HBEGF: variants seen among roughly 807,000 people sequenced by gnomAD.
The protein encoded by HBEGF is heparin binding EGF like growth factor.
Under a neutral mutation model 19.5 loss-of-function variants are expected in HBEGF, and 8 were observed. That is an observed-to-expected ratio of 0.41 (90% CI 0.24 to 0.74). The LOEUF (loss-of-function observed/expected upper bound fraction) is 0.74, where lower values mean the gene tolerates loss of function less well. Ranked by LOEUF, HBEGF falls within the 30% of genes least tolerant of loss-of-function variation. The pLI, the probability that HBEGF is intolerant of heterozygous loss-of-function variation, is 0.32. For missense variants in HBEGF, 207 were observed against 256.9 expected, an observed-to-expected ratio of 0.81 and a Z score of 1.33; for synonymous variants, 97 against 108.9, an observed-to-expected ratio of 0.89 and a Z score of 0.68.
At chr5:140,339,751 A>T (rs984910890) in intron 3 of HBEGF, among the ~76,000 whole-genome samples, 3 of 152,142 alleles carry the variant, frequency 2.0e-5, no homozygotes, top group African/African-American at 7.2e-5. Flanking sequence ...TTTCCTGTTC[A>T]TGGTGGCTGC....
At chr5:140,343,691 C>T (rs1043947240) in intron 2 of HBEGF, among the ~76,000 whole-genome samples, 1 of 152,174 alleles carries the variant, frequency 6.6e-6, no homozygotes, top group Non-Finnish European at 1.5e-5. Context: ...CTGGGATTGA[C>T]CAGGGACTAT....
intron 3 of HBEGF, among the ~76,000 whole-genome samples, chr5:140,336,500 C>T (rs1335153856): frequency 2.0e-5 from 3 of 152,228 alleles, no homozygotes; most frequent in South Asian, 2.1e-4. Context: ...CCTTCCCCAT[C>T]GTGCTTCCAG....
At chr5:140,338,770 C>T (rs538008027) in intron 3 of HBEGF, among the ~76,000 whole-genome samples, 2 of 152,248 alleles carry the variant, frequency 1.3e-5, no homozygotes, top group Admixed American at 6.5e-5. Flanking sequence ...CAGACTAGGA[C>T]ACATTCTTCC....
chr5:140,346,128 C>T lies in HBEGF; in HGVS notation c.47-44G>A, dbSNP rs781281419. 1.1e-4 allele frequency: 169 copies of T among 1,593,104 alleles called. No individual in the cohort carries two copies. The highest frequency in any genetic ancestry group is 1.3e-4 in the Non-Finnish European group (153 of 1,170,044). ...GCCGCATCAGACACCCGCCCAGACC[C>T]CTGACCAACACGCACCGATGCCGAC... On this transcript the variant is annotated intron_variant, in intron 1 of 5. Transcript: ENST00000230990. The surrounding 1 kb of genome is among the most constrained non-coding windows in gnomAD (Gnocchi z 6.1).
chr5:140,335,007 C>T (rs1581110963), intron 4 of HBEGF: 2 of 545,324 alleles, frequency 3.7e-6, no homozygotes, highest in Non-Finnish European at 6.6e-6. Context: ...GATGGACAAA[C>T]ATTACAATCA....
Position 140,343,313 on chromosome 5 carries a change from A to G in HBEGF, c.221-501T>C, listed in dbSNP as rs145118049. ...GTTCTGGGGTTGGAGGGCTCCTAAT[A>G]TAAGAACAGTGTCCATGTGTTCAGG... On this transcript the variant is annotated intron_variant, in intron 2 of 5. Coordinates refer to ENST00000230990, the MANE Select transcript of HBEGF (RefSeq NM_001945.3). Among the ~76,000 whole-genome samples, 3 of 152,260 alleles carry G rather than the reference A, an allele frequency of 2.0e-5. No individual in the cohort carries two copies. The East Asian group carries it at 5.8e-4, about 29-fold the overall frequency.
intron 3 of HBEGF, among the ~76,000 whole-genome samples, chr5:140,340,337 TG>T (rs1426628809): frequency 6.6e-6 from 1 of 150,986 alleles, no homozygotes; most frequent in Non-Finnish European, 1.5e-5. Context: ...CCCAGCACTT[TG>T]GGAGGCTGAG....
intron 2 of HBEGF, among the ~76,000 whole-genome samples, chr5:140,343,565 G>T (rs1297478951): frequency 6.6e-6 from 1 of 152,152 alleles, no homozygotes; most frequent in Non-Finnish European, 1.5e-5. Flanking sequence ...GTGTACAAGG[G>T]ATAGAAAAAT....
chr5:140,336,131 G>A, intron 3 of HBEGF, 104 bp from the exon 4 acceptor site: 1 of 1,174,528 alleles, frequency 8.5e-7, no homozygotes, highest in East Asian at 2.4e-5. Context: ...CCCTCAGCCT[G>A]TCAATCCCTG....
intron 3 of HBEGF, among the ~76,000 whole-genome samples, chr5:140,339,857 G>A (rs1045752858): frequency 2.0e-5 from 3 of 152,190 alleles, no homozygotes; most frequent in Non-Finnish European, 2.9e-5. Flanking sequence ...TCAAACAAGA[G>A]CCACAAAGAT....
At chr5:140,339,011 T>C (rs556444192) in intron 3 of HBEGF, among the ~76,000 whole-genome samples, 3 of 152,210 alleles carry the variant, frequency 2.0e-5, no homozygotes, top group Non-Finnish European at 4.4e-5. Context: ...GGTTTCCTCA[T>C]GTAAAACACA....
chr5:140,344,144 A>G (rs992383305), intron 2 of HBEGF, among the ~76,000 whole-genome samples: 8 of 151,996 alleles, frequency 5.3e-5, no homozygotes, highest in Non-Finnish European at 1.2e-4. Context: ...TTTAAAAAAA[A>G]AAAAAAGAAA....
chr5:140,342,968 A>G, intron 2 of HBEGF, 156 bp from the exon 3 acceptor site: 1 of 715,210 alleles, frequency 1.4e-6, no homozygotes. Context: ...CAGAAGGAAG[A>G]GCAGGAAGAT....
rs4150198 is a variant in HBEGF at position 140,345,405 on chromosome 5, G to A, written c.220+506C>T. Among the ~76,000 whole-genome samples the A allele has an allele frequency of 1.2e-3, 188 of 152,264 alleles. 1 individual carries two copies. In the East Asian group the frequency reaches 0.034, roughly 28 times the overall value. ...GCTCACCATTCACAGCCTCATCTAG[G>A]GCGGCCAAGAGCTCCTCATTCCCCT... On this transcript the variant is annotated intron_variant, in intron 2 of 5. Transcript: ENST00000230990.
intron 2 of HBEGF, among the ~76,000 whole-genome samples, chr5:140,344,331 T>C (rs1279908946): frequency 6.6e-6 from 1 of 152,092 alleles, no homozygotes; most frequent in Non-Finnish European, 1.5e-5. Flanking sequence ...GATCCAGGCA[T>C]GAATGGGCTC....
intron 3 of HBEGF, among the ~76,000 whole-genome samples, chr5:140,341,387 A>T (rs1766308800): frequency 6.6e-6 from 1 of 152,200 alleles, no homozygotes; most frequent in African/African-American, 2.4e-5. Flanking sequence ...CAAATTTAAG[A>T]TGAACATTTC....
chr5:140,346,234 A>G lies in HBEGF; in HGVS notation c.46+49T>C. On this transcript the variant is annotated intron_variant, in intron 1 of 5. Coordinates refer to ENST00000230990, the MANE Select transcript of HBEGF (RefSeq NM_001945.3). The surrounding 1 kb of genome is among the most constrained non-coding windows in gnomAD (Gnocchi z 6.1). ...GGCGACCTTCCCCCATGCCCCCAGC[A>G]CAACGCCCCCATCCCCCCGATCTCC... 2 of 1,574,646 alleles carry G rather than the reference A, an allele frequency of 1.3e-6. No homozygotes were observed. The highest frequency in any genetic ancestry group is 1.7e-6 in the Non-Finnish European group (2 of 1,161,750).
chr5:140,345,885 C>G lies in HBEGF; in HGVS notation c.220+26G>C, dbSNP rs775294712. On this transcript the variant is annotated intron_variant, in intron 2 of 5. Coordinates refer to ENST00000230990, the MANE Select transcript of HBEGF (RefSeq NM_001945.3). ...TATTCTTCAACAGCCCACCAAGGTCCAAGGATGGGGGGCCTCCACACCCAC... is the reference window on the plus strand; with the variant it reads ...TATTCTTCAACAGCCCACCAAGGTCGAAGGATGGGGGGCCTCCACACCCAC... The G allele has an allele frequency of 3.7e-6, 6 of 1,613,466 alleles. No individual in the cohort carries two copies. In the South Asian group the frequency reaches 5.5e-5, roughly 15 times the overall value.
At chr5:140,342,547 T>C (rs1766329664) in intron 3 of HBEGF, 88 bp downstream of exon 3, 3 of 1,258,048 alleles carry the variant, frequency 2.4e-6, no homozygotes, top group African/African-American at 1.5e-5. Flanking sequence ...GGTGAAATTA[T>C]GAATTCAAGG....
Sources: allele counts gnomAD v4.1 joint callset (sites outside exome capture counted in the v4.1 genomes callset), GRCh38; gene constraint gnomAD v4.1.1; non-coding constraint Gnocchi (gnomAD v3.1); transcripts MANE v1.5; gene names NCBI Gene and HGNC (gene_info 2026-07-23, HGNC 2026-07-21).